RGS7: variants seen among roughly 807,000 people sequenced by gnomAD.
RGS7 encodes the protein regulator of G protein signaling 7.
RGS7 carries 27 observed loss-of-function variants against 81.1 expected under a neutral mutation model. The observed-to-expected ratio is 0.33, with a 90% CI of 0.25 to 0.46. The LOEUF is 0.46. Ranked by LOEUF, RGS7 falls within the 20% of genes least tolerant of loss-of-function variation. The pLI is 1.00. For synonymous variants in RGS7, 208 were observed against 207.7 expected (o/e 1.00, Z -0.01); for missense variants, 396 against 607.4 (o/e 0.65, Z 3.66).
intron 3 of RGS7, among the ~76,000 whole-genome samples, chr1:241,024,477 A>G (rs2148706382): frequency 6.6e-6 from 1 of 152,348 alleles, no homozygotes. Flanking sequence ...TCCAGCAGGA[A>G]GCACAAACAT....
At chr1:240,885,345 C>A (rs1667173884) in intron 6 of RGS7, among the ~76,000 whole-genome samples, 1 of 152,136 alleles carries the variant, frequency 6.6e-6, no homozygotes, top group Non-Finnish European at 1.5e-5. Context: ...AGTATGGCAA[C>A]TTCTCAAAGA....
At position 240,838,835 on chromosome 1, in the gene RGS7, C is replaced by T. The variant is rs377388955; in HGVS notation, c.610-11663G>A. Reference sequence around the variant, plus strand: ...AGGCTGGAGTGCAGTGGCGCCATCTCGGCTCACCGCAAGCTCCGCCTCCTA... The same window carrying T: ...AGGCTGGAGTGCAGTGGCGCCATCTTGGCTCACCGCAAGCTCCGCCTCCTA... On this transcript the variant is annotated intron_variant, in intron 9 of 18. Transcript: ENST00000440928. Among the ~76,000 whole-genome samples the T allele has an allele frequency of 2.8e-4, 42 of 151,844 alleles. 2 individuals carry two copies. In the South Asian group the frequency reaches 7.5e-3, roughly 27 times the overall value.
chr1:241,033,187 C>T (rs2060164941), intron 3 of RGS7, among the ~76,000 whole-genome samples: 1 of 152,120 alleles, frequency 6.6e-6, no homozygotes, highest in African/African-American at 2.4e-5. Context: ...CCCATCTCTA[C>T]TAAAAATACA....
intron 2 of RGS7, among the ~76,000 whole-genome samples, chr1:241,191,726 C>T (rs1178323659): frequency 2.0e-5 from 3 of 152,118 alleles, no homozygotes; most frequent in Non-Finnish European, 4.4e-5. Flanking sequence ...TCATCTGGAC[C>T]TAGATATTTC....
At chr1:241,051,974 G>A (rs149293435) in intron 3 of RGS7, among the ~76,000 whole-genome samples, 1 of 152,262 alleles carries the variant, frequency 6.6e-6, no homozygotes, top group East Asian at 1.9e-4. Context: ...AGCCTCTATA[G>A]TTTTGCACTG....
chr1:241,082,537 C>A (rs1043216024), intron 3 of RGS7, among the ~76,000 whole-genome samples: 3 of 152,180 alleles, frequency 2.0e-5, no homozygotes, highest in Non-Finnish European at 2.9e-5. Context: ...CAAATCATTT[C>A]TCTAATTACT....
intron 2 of RGS7, among the ~76,000 whole-genome samples, chr1:241,185,902 C>G (rs1282528267): frequency 1.3e-5 from 2 of 152,084 alleles, no homozygotes; most frequent in East Asian, 3.9e-4. Flanking sequence ...AAGTTTCCAT[C>G]TTAATAAACT....
At chr1:241,336,315 A>T (rs1172740172) in intron 2 of RGS7, among the ~76,000 whole-genome samples, 1 of 152,170 alleles carries the variant, frequency 6.6e-6, no homozygotes, top group Non-Finnish European at 1.5e-5. Context: ...TGACCATATG[A>T]CCACCTAGAT....
intron 3 of RGS7, among the ~76,000 whole-genome samples, chr1:241,028,902 G>A (rs1433541534): frequency 2.6e-5 from 4 of 152,126 alleles, no homozygotes; most frequent in Non-Finnish European, 5.9e-5. Flanking sequence ...AAGGGAATGC[G>A]AACTGGGGCA....
At chr1:240,822,004 T>G (rs959863108) in intron 10 of RGS7, among the ~76,000 whole-genome samples, 2 of 152,194 alleles carry the variant, frequency 1.3e-5, no homozygotes. Context: ...TGTGTCAACT[T>G]GGCTGGCTCA....
chr1:240,780,784 C>A (rs1009237894), intron 18 of RGS7, among the ~76,000 whole-genome samples: 2 of 151,384 alleles, frequency 1.3e-5, no homozygotes, highest in South Asian at 4.2e-4. Flanking sequence ...CGTGGTGGTG[C>A]GTGCCTGTAG....
intron 11 of RGS7, among the ~76,000 whole-genome samples, chr1:240,815,805 A>C (rs58338858): frequency 9.9e-5 from 15 of 152,228 alleles, no homozygotes; most frequent in Non-Finnish European, 2.1e-4. Flanking sequence ...TGCTAAAAAA[A>C]AGAGGTAGTG....
rs565385389 is a variant in RGS7 at position 241,118,446 on chromosome 1, AT to A, written c.79-19685del. On this transcript the variant is annotated intron_variant, in intron 2 of 18. Transcript: ENST00000440928. Reference sequence around the variant, plus strand: ...AAAAATTATTGAGAATCCCAAAGAGATTTTTTTTAAAAAATCAAATAGGCTG... The same window carrying A: ...AAAAATTATTGAGAATCCCAAAGAGATTTTTTTAAAAAATCAAATAGGCTG... 2.1e-3 allele frequency among the ~76,000 whole-genome samples: 313 copies of A among 152,210 alleles called. 2 individuals carry two copies. Among genetic ancestry groups the A allele is most frequent in the African/African-American group, 7.2e-3 (298 of 41,516 alleles).
At chr1:241,191,813 G>C (rs1255898066) in intron 2 of RGS7, among the ~76,000 whole-genome samples, 3 of 152,136 alleles carry the variant, frequency 2.0e-5, no homozygotes, top group Non-Finnish European at 2.9e-5. Flanking sequence ...TTTCATGTTG[G>C]TTTACTTGTA....
intron 3 of RGS7, among the ~76,000 whole-genome samples, chr1:241,075,266 T>C (rs1335138567): frequency 6.6e-6 from 1 of 152,220 alleles, no homozygotes; most frequent in Non-Finnish European, 1.5e-5. Flanking sequence ...AAAATGTTAG[T>C]TCTATTTTTA....
chr1:241,322,701 T>TG (rs1211819146), intron 2 of RGS7, among the ~76,000 whole-genome samples: 2 of 152,330 alleles, frequency 1.3e-5, no homozygotes, highest in Non-Finnish European at 2.9e-5. Context: ...GAGGGTCCTA[T>TG]GGCATAGAAT....
chr1:240,916,391 A>G (rs1672633223), intron 6 of RGS7, among the ~76,000 whole-genome samples: 1 of 152,162 alleles, frequency 6.6e-6, no homozygotes, highest in African/African-American at 2.4e-5. Flanking sequence ...AAATCAGAGA[A>G]GAAAGAAAAG....
chr1:241,240,236 C>A (rs944634367), intron 2 of RGS7, among the ~76,000 whole-genome samples: 6 of 152,126 alleles, frequency 3.9e-5, no homozygotes, highest in African/African-American at 1.4e-4. Flanking sequence ...CTGACACAGG[C>A]AAGTCCCTCG....
At chr1:241,355,255 C>T (rs1009760311) in intron 2 of RGS7, among the ~76,000 whole-genome samples, 1 of 152,214 alleles carries the variant, frequency 6.6e-6, no homozygotes, top group Non-Finnish European at 1.5e-5. Context: ...CATACATTTA[C>T]ACAGACACAG....
Sources: allele counts gnomAD v4.1 joint callset (sites outside exome capture counted in the v4.1 genomes callset), GRCh38; gene constraint gnomAD v4.1.1; transcripts MANE v1.5; gene names NCBI Gene and HGNC (gene_info 2026-07-23, HGNC 2026-07-21).